ABCA13: variants seen among roughly 807,000 people sequenced by gnomAD.
ABCA13 encodes the protein ATP binding cassette subfamily A member 13, also known as ATP-binding cassette sub-family A member 13.
ABCA13 carries 476 observed loss-of-function variants against 478.7 expected under a neutral mutation model. The observed-to-expected ratio is 0.99, with a 90% CI of 0.92 to 1.07. The LOEUF is 1.07. Ranked by LOEUF, ABCA13 falls within the 50% of genes least tolerant of loss-of-function variation. The pLI is 0.00. For missense variants in ABCA13, 6,060 were observed against 5,910.6 expected (o/e 1.03, Z -0.83); for synonymous variants, 2,252 against 2,158.9 (o/e 1.04, Z -1.20).
intron 3 of ABCA13, among the ~76,000 whole-genome samples, chr7:48,219,143 G>A (rs552444565): frequency 6.6e-6 from 1 of 152,120 alleles, no homozygotes; most frequent in African/African-American, 2.4e-5. Flanking sequence ...GAATGAGAAC[G>A]ATTTTCTAAT....
intron 29 of ABCA13, among the ~76,000 whole-genome samples, chr7:48,348,820 G>A (rs1258876229): frequency 6.6e-6 from 1 of 152,162 alleles, no homozygotes; most frequent in Non-Finnish European, 1.5e-5. Flanking sequence ...CCAATTCTTT[G>A]AATTCTGGAT....
intron 40 of ABCA13, among the ~76,000 whole-genome samples, chr7:48,411,273 C>T (rs1277958323): frequency 4.0e-5 from 3 of 74,788 alleles, no homozygotes; most frequent in Middle Eastern, 5.3e-3. Flanking sequence ...CCTTTCCTCC[C>T]TCCCTCCTCC....
At chr7:48,620,638 G>C (rs1478999579) in intron 59 of ABCA13, among the ~76,000 whole-genome samples, 1 of 152,150 alleles carries the variant, frequency 6.6e-6, no homozygotes, top group African/African-American at 2.4e-5. Context: ...TATGTCCCCA[G>C]AGACATGGAA....
chr7:48,291,312 G>A (rs1280514708), intron 20 of ABCA13, among the ~76,000 whole-genome samples: 2 of 152,182 alleles, frequency 1.3e-5, no homozygotes, highest in Non-Finnish European at 2.9e-5. Flanking sequence ...AGACGGGCTT[G>A]AGCTGAGCAC....
intron 38 of ABCA13, among the ~76,000 whole-genome samples, chr7:48,394,481 A>G (rs956285260): frequency 6.6e-6 from 1 of 152,148 alleles, no homozygotes; most frequent in African/African-American, 2.4e-5. Flanking sequence ...TCTGTCCAGA[A>G]CAACTTCCCA....
At chr7:48,529,569 T>C (rs1397650477) in intron 55 of ABCA13, among the ~76,000 whole-genome samples, 2 of 152,228 alleles carry the variant, frequency 1.3e-5, no homozygotes. Flanking sequence ...AGATATTTAT[T>C]TTTAAGAGAG....
chr7:48,239,909 T>C (rs541302901), intron 9 of ABCA13, among the ~76,000 whole-genome samples: 23 of 152,294 alleles, frequency 1.5e-4, no homozygotes, highest in African/African-American at 5.5e-4. Context: ...GATGTTGGTG[T>C]GGGGCAGAGG....
chr7:48,498,903 G>A (rs1023877903), intron 48 of ABCA13, among the ~76,000 whole-genome samples: 4 of 152,182 alleles, frequency 2.6e-5, no homozygotes, highest in Non-Finnish European at 5.9e-5. Context: ...TTGCATGCAT[G>A]TGGTGAAAAA....
Position 48,646,373 on chromosome 7 carries a change from T to G in ABCA13, c.*861T>G, listed in dbSNP as rs1795435430. 1 of 152,120 alleles carries G rather than the reference T, an allele frequency of 6.6e-6. No individual in the cohort carries two copies. The highest frequency in any genetic ancestry group is 2.4e-5 in the African/African-American group (1 of 41,422). The allele number at this position is 152,120 out of a possible 1,614,324, so 9.4% of individuals were successfully genotyped here. A position where few individuals can be genotyped will look rare whatever the true frequency, so the allele number is the denominator to read the frequency against. On this transcript the variant is annotated 3_prime_UTR_variant, in exon 62 of 62. Coordinates refer to ENST00000435803, the MANE Select transcript of ABCA13 (RefSeq NM_152701.5). ...CTGGGAGCTTGCAAGAAATGTACAT[T>G]CTCAGGATCCACTCCAGACCTATTG...
In ABCA13 at chr7:48,352,442, C is replaced by T; in HGVS notation, c.10643C>T (p.Ala3548Val). The change falls in exon 31 of 62, where the codon GCA (alanine) becomes GTA (valine). Residue 3548 changes from alanine (A) to valine (V), a missense_variant. Transcript: ENST00000435803. ...VQTGQEALEP[A>V]AQTQAAPYPC... ...ACTGGGCAGGAAGCCCTGGAACCAG[C>T]AGCACAGACTCAGGCGGCCCCTTAC... 6.2e-7 allele frequency: 1 copy of T among 1,612,702 alleles called. No individual in the cohort carries two copies. Among genetic ancestry groups the T allele is most frequent in the Non-Finnish European group, 8.5e-7 (1 of 1,179,398 alleles).
intron 5 of ABCA13, among the ~76,000 whole-genome samples, chr7:48,226,683 G>C (rs772332786): frequency 6.6e-6 from 1 of 152,082 alleles, no homozygotes; most frequent in Admixed American, 6.5e-5. Flanking sequence ...GAGAGCATGC[G>C]GGCTCAGTGA....
intron 59 of ABCA13, among the ~76,000 whole-genome samples, chr7:48,625,550 C>T (rs1009994288): frequency 6.6e-5 from 10 of 152,186 alleles, no homozygotes; most frequent in South Asian, 2.1e-4. Flanking sequence ...ATATCCTCAG[C>T]GTGTTTCACC....
intron 42 of ABCA13, among the ~76,000 whole-genome samples, chr7:48,451,924 A>G (rs1050375517): frequency 4.6e-5 from 7 of 152,238 alleles, no homozygotes; most frequent in Admixed American, 4.6e-4. Context: ...AATTGCACTC[A>G]TAAGTCAAAG....
At chr7:48,413,805 A>G (rs1819586841) in intron 41 of ABCA13, among the ~76,000 whole-genome samples, 1 of 152,228 alleles carries the variant, frequency 6.6e-6, no homozygotes, top group South Asian at 2.1e-4. Context: ...AAATGCTTTT[A>G]TACATAGAAT....
intron 41 of ABCA13, among the ~76,000 whole-genome samples, chr7:48,427,134 C>T (rs1208982505): frequency 6.6e-6 from 1 of 152,208 alleles, no homozygotes; most frequent in Admixed American, 6.5e-5. Context: ...TCCACCCCAC[C>T]TCATTTCCCT....
chr7:48,471,499 G>A (rs529588601), intron 44 of ABCA13, 31 bp from the exon 45 acceptor site: 1 of 1,530,040 alleles, frequency 6.5e-7, no homozygotes, highest in Non-Finnish European at 8.9e-7. Flanking sequence ...AAATCTAAAA[G>A]ATCATTCCAA....
intron 55 of ABCA13, among the ~76,000 whole-genome samples, chr7:48,558,290 G>A (rs1786078038): frequency 6.8e-6 from 1 of 146,922 alleles, no homozygotes; most frequent in Non-Finnish European, 1.5e-5. Flanking sequence ...CTATCACCCA[G>A]GCTGGAGTGC....
At chr7:48,506,014 T>G (rs1363934520) in intron 48 of ABCA13, among the ~76,000 whole-genome samples, 1 of 152,196 alleles carries the variant, frequency 6.6e-6, no homozygotes, top group Non-Finnish European at 1.5e-5. Context: ...GTATGTTTCC[T>G]CTCTGCAAAC....
chr7:48,173,098 C>A (rs1339736664), intron 1 of ABCA13, among the ~76,000 whole-genome samples: 1 of 152,178 alleles, frequency 6.6e-6, no homozygotes, highest in Non-Finnish European at 1.5e-5. Context: ...TTAATGGATA[C>A]TTGAGTTTTA....
Sources: allele counts gnomAD v4.1 joint callset (sites outside exome capture counted in the v4.1 genomes callset), GRCh38; gene constraint gnomAD v4.1.1; transcripts MANE v1.5; gene names NCBI Gene and HGNC (gene_info 2026-07-23, HGNC 2026-07-21).